Variants in DOCK9 observed in about 807,000 individuals in gnomAD.
DOCK9 encodes the protein dedicator of cytokinesis 9, also known as dedicator of cytokinesis protein 9.
A neutral mutation model predicts 263.3 loss-of-function variants in DOCK9; 89 were observed. The observed-to-expected ratio is 0.34, with a 90% CI of 0.28 to 0.40. The LOEUF is 0.40. DOCK9 is among the 10% of genes least tolerant of loss of function. DOCK9 has a pLI of 1.00. For missense variants in DOCK9, 2,140 were observed against 2,603.4 expected, an observed-to-expected ratio of 0.82 and a Z score of 3.87; for synonymous variants, 976 against 973.1, an observed-to-expected ratio of 1.00 and a Z score of -0.06.
Position 98,883,147 on chromosome 13 carries a change from A to G in DOCK9, c.2470-16T>C. On this transcript the variant is annotated splice_polypyrimidine_tract_variant and intron_variant, in intron 22 of 52. Transcript: ENST00000682017. The stretch of plus-strand genomic sequence containing the variant: ...AATGCTGATCCTGAGGTAGGGAAAA[A>G]GGAAAAGAAGAAGAAAGTCTATTAG... 1 of 1,592,594 alleles carries G rather than the reference A, an allele frequency of 6.3e-7. No individual in the cohort carries two copies. Among genetic ancestry groups the G allele is most frequent in the Non-Finnish European group, 8.6e-7 (1 of 1,164,236 alleles).
chr13:98,945,230 A>G (rs1334640438), intron 2 of DOCK9, among the ~76,000 whole-genome samples: 1 of 152,206 alleles, frequency 6.6e-6, no homozygotes, highest in Non-Finnish European at 1.5e-5. Context: ...ATTATATCTG[A>G]TTGACGTTTA....
intron 15 of DOCK9, among the ~76,000 whole-genome samples, chr13:98,889,884 T>C (rs2046362150): frequency 6.6e-6 from 1 of 152,222 alleles, no homozygotes; most frequent in Admixed American, 6.5e-5. Flanking sequence ...TTTTCAACAA[T>C]ATACCTGTCT....
chr13:98,860,297 T>G (rs1286768995), intron 33 of DOCK9, 108 bp downstream of exon 33: 1 of 1,506,106 alleles, frequency 6.6e-7, no homozygotes, highest in Non-Finnish European at 8.9e-7. Context: ...GAAAGCAACT[T>G]AGACTTCAAG....
chr13:99,064,265 C>G (rs1469595239), intron 1 of DOCK9, among the ~76,000 whole-genome samples: 2 of 152,106 alleles, frequency 1.3e-5, no homozygotes, highest in African/African-American at 4.8e-5. Flanking sequence ...AATAATGAAA[C>G]AGAGAGAAGG....
intron 45 of DOCK9, among the ~76,000 whole-genome samples, chr13:98,817,606 G>A (rs1301183658): frequency 2.6e-5 from 4 of 151,296 alleles, no homozygotes; most frequent in East Asian, 1.9e-4. Flanking sequence ...ACTATGATTC[G>A]AATACATGCT....
At chr13:98,964,805 A>C (rs149760771) in intron 1 of DOCK9, among the ~76,000 whole-genome samples, 1 of 152,280 alleles carries the variant, frequency 6.6e-6, no homozygotes, top group East Asian at 1.9e-4. Context: ...CTTCTGAAAA[A>C]GAGACTCCAC....
At chr13:99,019,117 A>G (rs1167277136) in intron 1 of DOCK9, among the ~76,000 whole-genome samples, 1 of 152,228 alleles carries the variant, frequency 6.6e-6, no homozygotes, top group Non-Finnish European at 1.5e-5. Context: ...TATGTGAAGG[A>G]AAGAAGCCAG....
At chr13:98,848,697 GTTAT>G in intron 36 of DOCK9, 58 bp from the exon 37 acceptor site, 3 of 1,497,098 alleles carry the variant, frequency 2.0e-6, no homozygotes, top group Non-Finnish European at 2.7e-6. Flanking sequence ...TTTTCGGGAC[GTTAT>G]TTATCTGTTA....
rs766749375 is a variant in DOCK9 at position 98,867,501 on chromosome 13, T to C, written c.3210A>G (p.Val1070=). 1.9e-6 allele frequency: 3 copies of C among 1,611,606 alleles called. No individual in the cohort carries two copies. Among genetic ancestry groups the C allele is most frequent in the Non-Finnish European group, 2.5e-6 (3 of 1,178,944 alleles). ...GAATATAATGTTCATGGTTGCACAC[T>C]ACACGGAGAAATTCAAACTTGTATT... ...LFEYKFEFLR[V]VCNHEHYIPL... is the part of the protein sequence containing the mutation. The change falls in exon 30 of 53, where the codon GTA becomes GTG. Residue 1070 remains valine, a synonymous_variant. Coordinates refer to ENST00000682017, the MANE Select transcript of DOCK9 (RefSeq NM_001366683.2).
At chr13:98,920,242 T>A (rs530119551) in intron 7 of DOCK9, among the ~76,000 whole-genome samples, 1 of 152,322 alleles carries the variant, frequency 6.6e-6, no homozygotes, top group East Asian at 1.9e-4. Flanking sequence ...TCATGTGTTA[T>A]CTTTAATTAA....
chr13:98,896,000 C>T (rs1048717971), intron 15 of DOCK9, among the ~76,000 whole-genome samples: 3 of 152,170 alleles, frequency 2.0e-5, no homozygotes, highest in Admixed American at 1.3e-4. Context: ...AGGCCTCATC[C>T]TTCACCAGTA....
At chr13:98,925,391 T>A (rs935282657) in intron 4 of DOCK9, among the ~76,000 whole-genome samples, 36 of 146,582 alleles carry the variant, frequency 2.5e-4, no homozygotes, top group African/African-American at 8.5e-4. Context: ...AAAAAAAAAA[T>A]TTAACTGGGA....
intron 2 of DOCK9, chr13:98,949,710 AT>A: frequency 3.6e-6 from 1 of 276,876 alleles, no homozygotes; most frequent in Non-Finnish European, 7.1e-6. Context: ...GCTTTCAGAT[AT>A]TCTGGGTTGG....
chr13:98,867,276 T>C, intron 30 of DOCK9, 149 bp downstream of exon 30: 1 of 605,422 alleles, frequency 1.7e-6, no homozygotes, highest in African/African-American at 1.9e-5. Context: ...ACCAATACTT[T>C]TTGAAATGGA....
intron 27 of DOCK9, among the ~76,000 whole-genome samples, chr13:98,871,513 A>C (rs1029086807): frequency 1.3e-5 from 2 of 152,232 alleles, no homozygotes; most frequent in Non-Finnish European, 2.9e-5. Context: ...AAACAAACTA[A>C]AGTCTTTTTA....
intron 1 of DOCK9, among the ~76,000 whole-genome samples, chr13:99,040,581 T>C (rs1474136399): frequency 6.6e-6 from 1 of 152,238 alleles, no homozygotes; most frequent in African/African-American, 2.4e-5. Flanking sequence ...CCAGATTTAG[T>C]GACAGCATAA....
chr13:98,899,157 C>A (rs771557913), intron 13 of DOCK9, among the ~76,000 whole-genome samples: 3 of 151,288 alleles, frequency 2.0e-5, no homozygotes, highest in Non-Finnish European at 2.9e-5. Context: ...ATAGCATCAG[C>A]ATCACTGTAG....
In DOCK9 at chr13:98,966,688, G is replaced by C. The variant is rs536066372; in HGVS notation, c.126+11096C>G. On this transcript the variant is annotated intron_variant, in intron 1 of 52. Transcript: ENST00000682017. Reference sequence around the variant, plus strand: ...TTAAGCTACTTATTTTAAGATATTGGGGATAGGGAATGGAATATTCATAAC... The same window carrying C: ...TTAAGCTACTTATTTTAAGATATTGCGGATAGGGAATGGAATATTCATAAC... 7.9e-5 allele frequency among the ~76,000 whole-genome samples: 12 copies of C among 152,262 alleles called. No homozygotes were observed. The East Asian group carries it at 2.3e-3, about 29-fold the overall frequency.
intron 1 of DOCK9, among the ~76,000 whole-genome samples, chr13:99,076,385 T>C (rs1405914614): frequency 6.6e-6 from 1 of 150,598 alleles, no homozygotes; most frequent in Non-Finnish European, 1.5e-5. Context: ...GGTCCTAACA[T>C]AGAAAATTAA....
Sources: gnomAD v4.1 joint callset for allele counts (sites outside exome capture counted in the v4.1 genomes callset) on GRCh38, gnomAD v4.1.1 for gene constraint, MANE v1.5 for transcripts, NCBI Gene and HGNC (gene_info 2026-07-23, HGNC 2026-07-21) for gene names.